Variants in CTNNBL1 observed in about 807,000 individuals in gnomAD.
CTNNBL1 encodes beta-catenin-like protein 1.
CTNNBL1 carries 31 observed loss-of-function variants against 72.7 expected under a neutral mutation model. The ratio of observed to expected loss-of-function variants is 0.43; its 90% CI spans 0.32 to 0.58. The LOEUF (loss-of-function observed/expected upper bound fraction) is 0.58. Among genes scored for constraint, CTNNBL1 ranks in the 20% least tolerant of loss-of-function variants. The pLI is 0.08. For missense variants in CTNNBL1, 534 were observed against 725.1 expected, an observed-to-expected ratio of 0.74 and a Z score of 3.03; for synonymous variants, 240 against 267.3, an observed-to-expected ratio of 0.90 and a Z score of 1.00.
At chr20:37,694,594 T>C (rs1412170387) in intron 1 of CTNNBL1, among the ~76,000 whole-genome samples, 4 of 152,314 alleles carry the variant, frequency 2.6e-5, no homozygotes, top group Middle Eastern at 6.8e-3. Context: ...GAACCAAGTT[T>C]TTGTATCTAT....
At chr20:37,707,338 A>G (rs961406596) in intron 1 of CTNNBL1, among the ~76,000 whole-genome samples, 25 of 152,238 alleles carry the variant, frequency 1.6e-4, no homozygotes, top group African/African-American at 5.5e-4. Flanking sequence ...TCTGTTGTTT[A>G]GTGTAGCCAC....
chr20:37,750,961 T>A (rs1600463368), intron 4 of CTNNBL1: 1 of 151,732 alleles, frequency 6.6e-6, no homozygotes, highest in Non-Finnish European at 1.5e-5. Flanking sequence ...GGCTTGGGGG[T>A]GTGGGGAGTG....
intron 3 of CTNNBL1, among the ~76,000 whole-genome samples, chr20:37,743,455 G>A (rs2073235542): frequency 6.6e-6 from 1 of 152,038 alleles, no homozygotes; most frequent in African/African-American, 2.4e-5. Context: ...TTAAAAAAAA[G>A]GTATTGGGGG....
At chr20:37,721,744 T>G (rs145189523) in intron 1 of CTNNBL1, among the ~76,000 whole-genome samples, 87 of 152,262 alleles carry the variant, frequency 5.7e-4, no homozygotes, top group African/African-American at 2.0e-3. Context: ...ACTTTTTTCT[T>G]ACTGTTACTA....
At chr20:37,848,311 C>A (rs768138009) in intron 13 of CTNNBL1, among the ~76,000 whole-genome samples, 2 of 152,034 alleles carry the variant, frequency 1.3e-5, no homozygotes, top group African/African-American at 4.8e-5. Context: ...TGTGCCACCA[C>A]GCCCAGCTAA....
At chr20:37,861,701 C>A (rs1291244878) in intron 15 of CTNNBL1, among the ~76,000 whole-genome samples, 1 of 152,142 alleles carries the variant, frequency 6.6e-6, no homozygotes, top group Non-Finnish European at 1.5e-5. Flanking sequence ...GCTTGTGGAT[C>A]CAAATCTTGG....
At chr20:37,707,737 A>G (rs779199416) in intron 1 of CTNNBL1, among the ~76,000 whole-genome samples, 3 of 152,266 alleles carry the variant, frequency 2.0e-5, no homozygotes, top group South Asian at 2.1e-4. Flanking sequence ...TCTGTCTGGT[A>G]TAACAGGCCT....
In CTNNBL1 at chr20:37,694,162, G is replaced by A. The variant is rs1385461212; in HGVS notation, c.30+10G>A. On this transcript the variant is annotated intron_variant, in intron 1 of 15. Transcript: ENST00000361383. ...ACTTCTGAGCTACCAGGTATGAGGG[G>A]CAGGGAGGGCCGAGCGACCGCGTTC... The A allele has an allele frequency of 1.9e-6, 3 of 1,587,516 alleles. No homozygotes were observed. Among genetic ancestry groups the A allele is most frequent in the African/African-American group, 1.4e-5 (1 of 72,372 alleles).
At chr20:37,752,764 T>A (rs2073332067) in intron 4 of CTNNBL1, among the ~76,000 whole-genome samples, 1 of 152,184 alleles carries the variant, frequency 6.6e-6, no homozygotes, top group Non-Finnish European at 1.5e-5. Flanking sequence ...TTTTCTGGTT[T>A]ACCTATTATT....
chr20:37,769,581 CT>C (rs1396891136), intron 7 of CTNNBL1, among the ~76,000 whole-genome samples: 1 of 152,136 alleles, frequency 6.6e-6, no homozygotes, highest in Non-Finnish European at 1.5e-5. Context: ...TTGTGATTGT[CT>C]TTTTAACAGT....
chr20:37,803,425 C>A (rs543782671), intron 11 of CTNNBL1, among the ~76,000 whole-genome samples: 1 of 152,276 alleles, frequency 6.6e-6, no homozygotes, highest in African/African-American at 2.4e-5. Flanking sequence ...TATTTCTGTA[C>A]TAAAGTATGA....
Position 37,779,349 on chromosome 20 carries a change from G to T in CTNNBL1, c.1031+14G>T, listed in dbSNP as rs1600482764. On this transcript the variant is annotated intron_variant, in intron 10 of 15. Coordinates refer to ENST00000361383, the MANE Select transcript of CTNNBL1 (RefSeq NM_030877.5). ...TCTCATGCTCAGGTATGTTTCGAATGCCCTAGTTCTCCCACCTTTTTTGCC... is the reference window on the plus strand; with the variant it reads ...TCTCATGCTCAGGTATGTTTCGAATTCCCTAGTTCTCCCACCTTTTTTGCC... 1 of 1,609,330 alleles carries T rather than the reference G, an allele frequency of 6.2e-7. No homozygotes were observed. Among genetic ancestry groups the T allele is most frequent in the Non-Finnish European group, 8.5e-7 (1 of 1,176,196 alleles).
intron 11 of CTNNBL1, among the ~76,000 whole-genome samples, chr20:37,818,285 A>G (rs1465687359): frequency 6.6e-6 from 1 of 151,990 alleles, no homozygotes; most frequent in Non-Finnish European, 1.5e-5. Flanking sequence ...CAGCATGCAA[A>G]TAATGATTTA....
At chr20:37,861,036 G>A (rs902657897) in intron 15 of CTNNBL1, among the ~76,000 whole-genome samples, 7 of 152,346 alleles carry the variant, frequency 4.6e-5, no homozygotes, top group East Asian at 1.9e-4. Context: ...GGGGACTACT[G>A]TAACTGGAAT....
chr20:37,704,353 C>A (rs1486398098), intron 1 of CTNNBL1, among the ~76,000 whole-genome samples: 2 of 152,162 alleles, frequency 1.3e-5, no homozygotes, highest in Non-Finnish European at 2.9e-5. Context: ...GGGAGCGCTG[C>A]ACCTTCAGGA....
At chr20:37,861,303 C>T (rs978090087) in intron 15 of CTNNBL1, among the ~76,000 whole-genome samples, 2 of 152,200 alleles carry the variant, frequency 1.3e-5, no homozygotes, top group Non-Finnish European at 2.9e-5. Flanking sequence ...CTGGAGAGGC[C>T]TCCAGTCGGT....
chr20:37,732,847 A>G (rs1209503430), intron 1 of CTNNBL1, 32 bp from the exon 2 acceptor site: 4 of 1,603,310 alleles, frequency 2.5e-6, no homozygotes, highest in African/African-American at 1.3e-5. Flanking sequence ...TGTTGTATCC[A>G]GCTCTAAAAT....
At chr20:37,871,370 A>G (rs1033426934) in intron 15 of CTNNBL1, among the ~76,000 whole-genome samples, 1 of 152,136 alleles carries the variant, frequency 6.6e-6, no homozygotes, top group African/African-American at 2.4e-5. Context: ...CTTCCTCACA[A>G]TTCTGGAGGC....
intron 11 of CTNNBL1, among the ~76,000 whole-genome samples, chr20:37,810,617 G>A (rs1276062024): frequency 6.6e-6 from 1 of 152,176 alleles, no homozygotes; most frequent in Non-Finnish European, 1.5e-5. Flanking sequence ...TTCATTAGTG[G>A]TTGAAGAAGC....
Sources: gnomAD v4.1 joint callset for allele counts (sites outside exome capture counted in the v4.1 genomes callset) on GRCh38, gnomAD v4.1.1 for gene constraint, MANE v1.5 for transcripts, NCBI Gene and HGNC (gene_info 2026-07-23, HGNC 2026-07-21) for gene names.